Variants in FBXW11 observed in about 807,000 individuals in gnomAD.
FBXW11 encodes F-box and WD repeat domain containing 11, also known as F-box/WD repeat-containing protein 11.
Under a neutral mutation model 77.6 loss-of-function variants are expected in FBXW11, and 19 were observed. The ratio of observed to expected loss-of-function variants is 0.24; its 90% CI spans 0.17 to 0.36. The LOEUF is 0.36. FBXW11 is among the 10% of genes least tolerant of loss of function. The probability of loss-of-function intolerance (pLI) is 1.00; values close to 1 mark genes in which losing one functional copy is unlikely to be tolerated. For synonymous variants in FBXW11, 235 were observed against 249.4 expected (o/e 0.94, Z 0.54); for missense variants, 334 against 704.2 (o/e 0.47, Z 5.95).
At chr5:171,956,452 C>CTG (rs1561720178) in intron 2 of FBXW11, among the ~76,000 whole-genome samples, 1 of 152,130 alleles carries the variant, frequency 6.6e-6, no homozygotes, top group Admixed American at 6.6e-5. Flanking sequence ...CTCCAGTTAA[C>CTG]TGTGTTAGTG....
intron 2 of FBXW11, among the ~76,000 whole-genome samples, chr5:171,924,993 C>T (rs761733622): frequency 2.8e-4 from 43 of 152,254 alleles, no homozygotes; most frequent in Non-Finnish European, 4.0e-4. Context: ...CGCCTGGCCC[C>T]GGCACAGACT....
Position 172,006,475 on chromosome 5 carries a change from T to C in FBXW11, c.28A>G (p.Lys10Glu). Residue 10 changes from lysine to glutamate, a missense_variant, in exon 1 of 14, where the codon AAG (lysine) becomes GAG (glutamate). Lys to Glu is a moderately conservative substitution (Grantham distance 56). Coordinates refer to ENST00000517395, the MANE Select transcript of FBXW11 (RefSeq NM_001378974.1). ...GCACTCACCATGAGCTCGATGGTCT[T>C]GTCCTCAATCACCGAGTCGGGCTCC... MEPDSVIED[K>E]TIELMCSVPR... 1.3e-6 allele frequency: 2 copies of C among 1,555,522 alleles called. No homozygotes were observed. The highest frequency in any genetic ancestry group is 8.7e-7 in the Non-Finnish European group (1 of 1,153,436).
At chr5:171,953,086 CAGCTCCCAGAGT>C (rs1763430105) in intron 2 of FBXW11, among the ~76,000 whole-genome samples, 2 of 152,160 alleles carry the variant, frequency 1.3e-5, no homozygotes, top group South Asian at 4.1e-4. Flanking sequence ...TCCCCAACCT[CAGCTCCCAGAGT>C]AGCTAGGACT....
chr5:171,928,263 T>G (rs1474612555), intron 2 of FBXW11, among the ~76,000 whole-genome samples: 1 of 152,048 alleles, frequency 6.6e-6, no homozygotes. Context: ...AGACAAATAA[T>G]AGAAAACACA....
chr5:171,947,835 T>C (rs900496332), intron 2 of FBXW11, among the ~76,000 whole-genome samples: 13 of 152,142 alleles, frequency 8.5e-5, no homozygotes, highest in Admixed American at 7.2e-4. Flanking sequence ...AAGGACTACT[T>C]GGGCCTGGGA....
intron 7 of FBXW11, among the ~76,000 whole-genome samples, chr5:171,878,416 A>G (rs925736225): frequency 1.3e-5 from 2 of 152,214 alleles, no homozygotes; most frequent in African/African-American, 4.8e-5. Context: ...AAATCTGTGA[A>G]AAGAATTCGC....
intron 2 of FBXW11, among the ~76,000 whole-genome samples, chr5:171,955,617 C>A (rs531180389): frequency 6.6e-6 from 1 of 152,274 alleles, no homozygotes; most frequent in East Asian, 1.9e-4. Flanking sequence ...AATATTAATA[C>A]ATGTTTACTT....
At chr5:171,996,134 T>C (rs1766030997) in intron 1 of FBXW11, among the ~76,000 whole-genome samples, 1 of 152,212 alleles carries the variant, frequency 6.6e-6, no homozygotes, top group African/African-American at 2.4e-5. Flanking sequence ...AAGCAGTTGC[T>C]ACAGTTAGTA....
At chr5:171,920,434 A>T (rs947430846) in intron 2 of FBXW11, among the ~76,000 whole-genome samples, 1 of 148,000 alleles carries the variant, frequency 6.8e-6, no homozygotes, top group Non-Finnish European at 1.5e-5. Flanking sequence ...AAAAAAAAAA[A>T]CCCTGAAGGG....
chr5:171,932,711 T>C (rs1440257381), intron 2 of FBXW11, among the ~76,000 whole-genome samples: 1 of 152,084 alleles, frequency 6.6e-6, no homozygotes, highest in East Asian at 1.9e-4. Context: ...CTTGTCCAAA[T>C]GAAGTGAAAA....
chr5:171,934,127 G>A (rs556568227), intron 2 of FBXW11, among the ~76,000 whole-genome samples: 169 of 152,226 alleles, frequency 1.1e-3, no homozygotes, highest in African/African-American at 3.8e-3. Context: ...GTGCGTAAGC[G>A]CATACTGTTT....
chr5:171,951,872 C>A (rs772609557), intron 2 of FBXW11, among the ~76,000 whole-genome samples: 23 of 152,058 alleles, frequency 1.5e-4, no homozygotes, highest in Non-Finnish European at 3.1e-4. Flanking sequence ...TTTTAAAATG[C>A]CCCAAGAAAA....
intron 6 of FBXW11, 138 bp from the exon 7 acceptor site, chr5:171,891,742 T>C: frequency 1.3e-6 from 1 of 750,848 alleles, no homozygotes; most frequent in Non-Finnish European, 2.0e-6. Context: ...GTGGATAGGA[T>C]CATGCTCTTT....
intron 1 of FBXW11, among the ~76,000 whole-genome samples, chr5:172,000,416 C>T (rs1007665255): frequency 6.6e-6 from 1 of 152,122 alleles, no homozygotes; most frequent in Non-Finnish European, 1.5e-5. Context: ...GATCTAATTA[C>T]GCCAAATTGG....
chr5:171,973,852 T>G (rs1378731194), intron 1 of FBXW11, among the ~76,000 whole-genome samples: 1 of 152,154 alleles, frequency 6.6e-6, no homozygotes, highest in Non-Finnish European at 1.5e-5. Flanking sequence ...AATAGACTAT[T>G]AATTTAAAAT....
intron 1 of FBXW11, among the ~76,000 whole-genome samples, chr5:172,004,220 C>T (rs140025933): frequency 1.9e-4 from 29 of 152,312 alleles, no homozygotes; most frequent in Non-Finnish European, 3.7e-4. Context: ...TGCTACTTTA[C>T]TAAAATAAAT....
In FBXW11 at chr5:172,006,568, A is replaced by ACGGCGGAGGCGG; in HGVS notation, c.-78_-67dup. On this transcript the variant is annotated 5_prime_UTR_variant, in exon 1 of 14. Transcript: ENST00000517395. ...GCGAACGGCCCGGGCGGAGGAGGCG[A>ACGGCGGAGGCGG]CGGCGGAGGCGGCAGAGGCGGAGGC... The ACGGCGGAGGCGG allele has an allele frequency of 2.1e-6, 3 of 1,439,106 alleles. No homozygotes were observed. The East Asian group carries it at 9.0e-5, about 43-fold the overall frequency. The allele number at this position is 1,439,106 out of a possible 1,614,324, so 89.1% of individuals were successfully genotyped here.
chr5:171,931,860 C>CCTCT (rs149065535), intron 2 of FBXW11, among the ~76,000 whole-genome samples: 4 of 6,272 alleles, frequency 6.4e-4, no homozygotes, highest in Non-Finnish European at 1.3e-3. Context: ...TCCCTCCCTC[C>CCTCT]CTCTCTCTCT....
chr5:171,945,487 T>C (rs1225474770), intron 2 of FBXW11, among the ~76,000 whole-genome samples: 2 of 152,192 alleles, frequency 1.3e-5, no homozygotes, highest in Non-Finnish European at 2.9e-5. Context: ...TCCTCACATA[T>C]AAAACAGACA....
Sources: gnomAD v4.1 joint callset for allele counts (sites outside exome capture counted in the v4.1 genomes callset) on GRCh38, gnomAD v4.1.1 for gene constraint, MANE v1.5 for transcripts, NCBI Gene and HGNC (gene_info 2026-07-23, HGNC 2026-07-21) for gene names.